The following FSTL4 variants were observed in gnomAD, a reference collection of about 807,000 sequenced individuals.
FSTL4 encodes the protein follistatin-related protein 4.
FSTL4 carries 28 observed loss-of-function variants against 78.2 expected under a neutral mutation model. The observed-to-expected ratio is 0.36, with a 90% CI of 0.27 to 0.49. FSTL4 has a LOEUF of 0.49. FSTL4 is among the 20% of genes least tolerant of loss of function. The probability of loss-of-function intolerance (pLI) is 0.98; values close to 1 mark genes in which losing one functional copy is unlikely to be tolerated. For missense variants in FSTL4, 922 were observed against 1,084.9 expected (o/e 0.85, Z 2.11); for synonymous variants, 422 against 440.5 (o/e 0.96, Z 0.53).
At chr5:133,536,022 G>A (rs941301172) in intron 3 of FSTL4, among the ~76,000 whole-genome samples, 1 of 152,174 alleles carries the variant, frequency 6.6e-6, no homozygotes, top group Non-Finnish European at 1.5e-5. Flanking sequence ...CAAGCAGAGG[G>A]CCTCTCACAC....
chr5:133,695,684 T>C, the FSTL4 span, among the ~76,000 whole-genome samples: 2 of 152,150 alleles, frequency 1.3e-5, no homozygotes, highest in South Asian at 4.2e-4. Flanking sequence ...ATCAGGATCC[T>C]GAGGCAAAGC....
chr5:133,832,181 G>T, the FSTL4 span, among the ~76,000 whole-genome samples: 2 of 152,204 alleles, frequency 1.3e-5, no homozygotes, highest in African/African-American at 4.8e-5. Context: ...CTCCTGCATT[G>T]TTTGGGAAAC....
intron 2 of FSTL4, among the ~76,000 whole-genome samples, chr5:133,575,523 A>T (rs1760257395): frequency 6.6e-6 from 1 of 152,240 alleles, no homozygotes. Flanking sequence ...CATCAACAAC[A>T]TTACCATTCA....
intron 4 of FSTL4, among the ~76,000 whole-genome samples, chr5:133,336,229 A>T (rs1365404641): frequency 6.6e-6 from 1 of 152,158 alleles, no homozygotes; most frequent in Non-Finnish European, 1.5e-5. Context: ...CAGCTCGGGG[A>T]GGAGGCAAGG....
the FSTL4 span, among the ~76,000 whole-genome samples, chr5:133,682,691 C>T: frequency 6.6e-6 from 1 of 152,218 alleles, no homozygotes; most frequent in African/African-American, 2.4e-5. Context: ...CTGAAATGCT[C>T]ACACATTCCA....
At chr5:133,404,597 TC>T (rs1370803081) in intron 3 of FSTL4, among the ~76,000 whole-genome samples, 3 of 152,110 alleles carry the variant, frequency 2.0e-5, no homozygotes, top group Non-Finnish European at 4.4e-5. Context: ...TGCTGAAGAC[TC>T]CCTCTGTGAT....
intron 4 of FSTL4, among the ~76,000 whole-genome samples, chr5:133,357,500 G>C (rs1254778786): frequency 6.6e-6 from 1 of 152,180 alleles, no homozygotes; most frequent in African/African-American, 2.4e-5. Flanking sequence ...ATTTCTAGTT[G>C]TGTTTGGCCT....
intron 3 of FSTL4, among the ~76,000 whole-genome samples, chr5:133,495,818 C>T (rs2112872549): frequency 6.6e-6 from 1 of 152,296 alleles, no homozygotes; most frequent in Middle Eastern, 3.4e-3. Context: ...TTTCCTGCAT[C>T]TAAATGTCCA....
Position 133,467,257 on chromosome 5 carries a change from AGT to A in FSTL4, c.161-66273_161-66272del, listed in dbSNP as rs34838954. Reference sequence around the variant, plus strand: ...GCATGTGTGAGAATGAGTATATGTGAGTGTGTGTGTGTGTGTGTGTGTGTGAG... The same window carrying A: ...GCATGTGTGAGAATGAGTATATGTGAGTGTGTGTGTGTGTGTGTGTGTGAG... On this transcript the variant is annotated intron_variant, in intron 3 of 15. Transcript: ENST00000265342. 8.9e-3 allele frequency among the ~76,000 whole-genome samples: 1,236 copies of A among 138,882 alleles called. 11 individuals carry two copies. Among genetic ancestry groups the A allele is most frequent in the Admixed American group, 0.017 (237 of 13,896 alleles). 91.1% of individuals were successfully genotyped at this position (138,882 alleles called of 152,430 possible). A position where few individuals can be genotyped will look rare whatever the true frequency, so the allele number is the denominator to read the frequency against.
chr5:133,264,782 G>A (rs933295443), intron 6 of FSTL4, among the ~76,000 whole-genome samples: 2 of 152,172 alleles, frequency 1.3e-5, no homozygotes, highest in African/African-American at 4.8e-5. Flanking sequence ...GTCTTGGTAA[G>A]AAAAATGCCT....
At chr5:133,258,032 GCAAA>G (rs1375088777) in intron 6 of FSTL4, among the ~76,000 whole-genome samples, 1 of 152,228 alleles carries the variant, frequency 6.6e-6, no homozygotes, top group Non-Finnish European at 1.5e-5. Context: ...GTGGAGAAGA[GCAAA>G]CAGTTTTTAC....
chr5:133,618,255 T>C, the FSTL4 span, among the ~76,000 whole-genome samples: 1 of 152,204 alleles, frequency 6.6e-6, no homozygotes, highest in Non-Finnish European at 1.5e-5. Flanking sequence ...CCTTATTATA[T>C]GTAATGTTTC....
chr5:133,332,581 T>C (rs1203734346), intron 4 of FSTL4, among the ~76,000 whole-genome samples: 1 of 152,236 alleles, frequency 6.6e-6, no homozygotes, highest in African/African-American at 2.4e-5. Flanking sequence ...CCTGTGGATA[T>C]GGTGCAGATC....
At chr5:133,366,385 C>T (rs1036557685) in intron 4 of FSTL4, among the ~76,000 whole-genome samples, 23 of 152,128 alleles carry the variant, frequency 1.5e-4, no homozygotes, top group Non-Finnish European at 1.9e-4. Flanking sequence ...TGTGTTTATT[C>T]TCTGTCTCTA....
At chr5:133,251,437 T>G (rs1008616289) in intron 6 of FSTL4, among the ~76,000 whole-genome samples, 1 of 152,112 alleles carries the variant, frequency 6.6e-6, no homozygotes, top group South Asian at 2.1e-4. Context: ...ACAGGCCCAA[T>G]TTTCCCAGAT....
At chr5:133,722,645 AG>A in the FSTL4 span, among the ~76,000 whole-genome samples, 3 of 152,188 alleles carry the variant, frequency 2.0e-5, no homozygotes, top group African/African-American at 7.2e-5. Flanking sequence ...TTCCCTTGGT[AG>A]TATCACTTTT....
At chr5:133,228,284 G>A (rs1004955601) in intron 8 of FSTL4, among the ~76,000 whole-genome samples, 10 of 152,124 alleles carry the variant, frequency 6.6e-5, no homozygotes, top group Non-Finnish European at 1.5e-4. Flanking sequence ...ATTGAGTTAA[G>A]GAGAGAATAT....
intron 6 of FSTL4, among the ~76,000 whole-genome samples, chr5:133,260,257 A>T (rs1242311982): frequency 1.2e-4 from 18 of 151,912 alleles, no homozygotes; most frequent in Admixed American, 1.2e-3. Flanking sequence ...CCCTCTCCAA[A>T]TGGGGGACTG....
chr5:133,718,371 G>A, the FSTL4 span, among the ~76,000 whole-genome samples: 42 of 152,262 alleles, frequency 2.8e-4, no homozygotes, highest in Non-Finnish European at 5.1e-4. Flanking sequence ...GAGACACTGC[G>A]CTTAGCCAGT....
Sources: allele counts gnomAD v4.1 joint callset (sites outside exome capture counted in the v4.1 genomes callset), GRCh38; gene constraint gnomAD v4.1.1; transcripts MANE v1.5; gene names NCBI Gene and HGNC (gene_info 2026-07-23, HGNC 2026-07-21).